Variants in TDRD1 observed in about 807,000 individuals in gnomAD.
TDRD1 encodes tudor domain-containing protein 1.
In TDRD1, 37 loss-of-function variants were observed where a neutral mutation model predicts 140.6. That is an observed-to-expected ratio of 0.26 (90% CI 0.20 to 0.35). The LOEUF (loss-of-function observed/expected upper bound fraction) is 0.35. Among genes scored for constraint, TDRD1 ranks in the 10% least tolerant of loss-of-function variants. TDRD1 has a pLI of 1.00. For synonymous variants in TDRD1, 506 were observed against 475.7 expected, an observed-to-expected ratio of 1.06 and a Z score of -0.83; for missense variants, 1,243 against 1,393.0, an observed-to-expected ratio of 0.89 and a Z score of 1.71.
intron 1 of TDRD1, among the ~76,000 whole-genome samples, chr10:114,180,337 T>C (rs771732861): frequency 6.6e-6 from 1 of 152,246 alleles, no homozygotes; most frequent in Non-Finnish European, 1.5e-5. Flanking sequence ...TTACAGTCGC[T>C]GAATCCTAGA....
At chr10:114,189,764 A>G (rs542697511) in intron 2 of TDRD1, among the ~76,000 whole-genome samples, 2 of 152,318 alleles carry the variant, frequency 1.3e-5, no homozygotes, top group East Asian at 1.9e-4. Context: ...GCCCTAACAC[A>G]TGAATTTTTG....
Position 114,213,455 on chromosome 10 carries a change from T to A in TDRD1, c.1941T>A (p.Ser647Arg), listed in dbSNP as rs373579956. The stretch of plus-strand genomic sequence containing the variant: ...AAGTGGTGGACAAGTTGGAAAACAG[T>A]TCCCTGGTGGAGCTTATTGATAAAT... Residue 647 changes from serine to arginine, a missense_variant, in exon 15 of 26, where the codon AGT becomes AGA. Physicochemically the swap from Ser to Arg is moderately radical, Grantham distance 110 (BLOSUM62 -1). Coordinates refer to ENST00000251864, the Ensembl canonical transcript of TDRD1. 2.2e-5 allele frequency: 35 copies of A among 1,614,072 alleles called. No individual in the cohort carries two copies. The African/African-American group carries it at 4.0e-4, about 18-fold the overall frequency.
At chr10:114,175,204 C>A (rs145091646), upstream of TDRD1, among the ~76,000 whole-genome samples, 43 of 152,216 alleles carry the variant, frequency 2.8e-4, no homozygotes, top group Non-Finnish European at 4.9e-4. Context: ...AACAATAAAT[C>A]GACCAAGCCT....
At chr10:114,202,853 C>T (rs755845191) in intron 6 of TDRD1, among the ~76,000 whole-genome samples, 10 of 152,242 alleles carry the variant, frequency 6.6e-5, no homozygotes, top group Non-Finnish European at 1.3e-4. Context: ...ACCTTCTCTT[C>T]ACCCACGTGG....
intron 21 of TDRD1, 65 bp downstream of exon 21, chr10:114,222,768 T>C: frequency 1.1e-6 from 1 of 915,618 alleles, no homozygotes; most frequent in Non-Finnish European, 1.7e-6. Flanking sequence ...TACATGATAC[T>C]ATGTAGATTT....
intron 3 of TDRD1, among the ~76,000 whole-genome samples, chr10:114,196,128 G>A (rs2034330726): frequency 6.6e-6 from 1 of 152,184 alleles, no homozygotes; most frequent in African/African-American, 2.4e-5. Flanking sequence ...ACAAGAGAAA[G>A]TCTATTGTAC....
At chr10:114,193,292 T>C (rs1186010461) in intron 3 of TDRD1, among the ~76,000 whole-genome samples, 2 of 147,282 alleles carry the variant, frequency 1.4e-5, no homozygotes, top group Non-Finnish European at 3.0e-5. Context: ...CTGAAGTCTT[T>C]TTTTTTTTTT....
At chr10:114,186,545 G>A (rs1003399647) in intron 1 of TDRD1, among the ~76,000 whole-genome samples, 5 of 152,300 alleles carry the variant, frequency 3.3e-5, no homozygotes, top group Non-Finnish European at 7.4e-5. Context: ...GATTACAGGT[G>A]TGAGCCACCG....
intron 16 of TDRD1, among the ~76,000 whole-genome samples, chr10:114,215,306 A>G (rs10160173): frequency 0.079 from 11,985 of 152,084 alleles, 478 homozygotes; most frequent in African/African-American, 0.086. Context: ...TCTTTCTACC[A>G]TTGGACACTT....
exon 22 of TDRD1, chr10:114,226,161 A>G (rs988515147): frequency 6.2e-7 from 1 of 1,614,090 alleles, no homozygotes; most frequent in South Asian, 1.1e-5. Flanking sequence ...GAGTGCAACC[A>G]ATCACCTCTA....
chr10:114,213,883 A>G, intron 15 of TDRD1, 94 bp from the exon 16 acceptor site: 1 of 1,150,002 alleles, frequency 8.7e-7, no homozygotes, highest in South Asian at 1.4e-5. Flanking sequence ...AAGTCAGTGG[A>G]AATTCAGTTC....
chr10:114,191,167 C>G (rs183514597), intron 3 of TDRD1, 148 bp downstream of exon 3: 292 of 850,770 alleles, frequency 3.4e-4, no homozygotes, highest in Middle Eastern at 1.1e-3. Flanking sequence ...AGAAAACTTT[C>G]TTAGGTTATT....
At chr10:114,201,576 C>A in intron 5 of TDRD1, 61 bp downstream of exon 5, 2 of 1,412,866 alleles carry the variant, frequency 1.4e-6, no homozygotes, top group Non-Finnish European at 2.0e-6. Flanking sequence ...ATACAATAAG[C>A]GTCCAATTAG....
intron 1 of TDRD1, among the ~76,000 whole-genome samples, chr10:114,183,427 A>G (rs2033258198): frequency 6.6e-6 from 1 of 152,228 alleles, no homozygotes; most frequent in Admixed American, 6.5e-5. Flanking sequence ...GATTCATTCA[A>G]TATAATTTGG....
At chr10:114,205,136 TATA>T (rs2035017130) in intron 10 of TDRD1, among the ~76,000 whole-genome samples, 2 of 152,216 alleles carry the variant, frequency 1.3e-5, no homozygotes, top group Admixed American at 1.3e-4. Flanking sequence ...ATAGAGCCAT[TATA>T]ATATCTACTC....
chr10:114,187,918 G>A, exon 2 of TDRD1: 1 of 1,613,118 alleles, frequency 6.2e-7, no homozygotes, highest in Non-Finnish European at 8.5e-7. Flanking sequence ...TTAATTTTGA[G>A]AAAAATGAAA....
chr10:114,210,628 G>T, exon 12 of TDRD1: 1 of 1,609,080 alleles, frequency 6.2e-7, no homozygotes, highest in East Asian at 2.2e-5. Flanking sequence ...CAACATTGTC[G>T]TAGACAAAAG....
chr10:114,207,813 G>C (rs1295274780), intron 11 of TDRD1, among the ~76,000 whole-genome samples: 1 of 151,996 alleles, frequency 6.6e-6, no homozygotes, highest in African/African-American at 2.4e-5. Context: ...GGTATCCAGT[G>C]GAAGGAACAA....
At chr10:114,203,712 T>G (rs953431798) in intron 8 of TDRD1, 145 bp downstream of exon 8, 8 of 743,838 alleles carry the variant, frequency 1.1e-5, no homozygotes, top group African/African-American at 1.1e-4. Flanking sequence ...TCCCGTGCTC[T>G]GTTCACCTTG....
Sources: gnomAD v4.1 joint callset for allele counts (sites outside exome capture counted in the v4.1 genomes callset) on GRCh38, gnomAD v4.1.1 for gene constraint, MANE v1.5 for transcripts, NCBI Gene and HGNC (gene_info 2026-07-23, HGNC 2026-07-21) for gene names.